Variants in TFB1M observed in about 807,000 individuals in gnomAD.
TFB1M encodes the protein transcription factor B1, mitochondrial, also known as dimethyladenosine transferase 1, mitochondrial.
In TFB1M, 27 loss-of-function variants were observed where a neutral mutation model predicts 31.1. The ratio of observed to expected loss-of-function variants is 0.87; its 90% CI spans 0.64 to 1.20. The LOEUF is 1.20. Ranked by LOEUF, TFB1M falls within the 50% of genes most tolerant of loss-of-function variation. TFB1M has a pLI of 0.00. For missense variants in TFB1M, 394 were observed against 418.7 expected, an observed-to-expected ratio of 0.94 and a Z score of 0.51; for synonymous variants, 166 against 151.8, an observed-to-expected ratio of 1.09 and a Z score of -0.69.
At chr6:155,244,558 T>C in the TFB1M span, 1 of 1,410,902 alleles carries the variant, frequency 7.1e-7, no homozygotes, top group Non-Finnish European at 9.7e-7. Context: ...TGCTTTTCCG[T>C]GAAGAATTTC....
chr6:155,240,412 C>A, the TFB1M span: 2 of 1,107,896 alleles, frequency 1.8e-6, no homozygotes, highest in Non-Finnish European at 2.5e-6. Flanking sequence ...TTGCCCTACA[C>A]AGAGGCCCCT....
At chr6:155,237,644 C>T in the TFB1M span, among the ~76,000 whole-genome samples, 1 of 152,222 alleles carries the variant, frequency 6.6e-6, no homozygotes, top group Non-Finnish European at 1.5e-5. Flanking sequence ...AATTCTTGGA[C>T]TTATGTGCAC....
At chr6:155,231,612 C>T in the TFB1M span, among the ~76,000 whole-genome samples, 11 of 151,660 alleles carry the variant, frequency 7.3e-5, no homozygotes, top group African/African-American at 2.7e-4. Context: ...TGCCCTCTAT[C>T]AGCCTGTGGG....
chr6:155,257,743 A>G lies in TFB1M; in HGVS notation c.*93T>C. The stretch of plus-strand genomic sequence containing the variant: ...GTCACATCTGGTCATTGGCATTTGT[A>G]TCGTCATTCTGTAAAGACAAAAGAG... On this transcript the variant is annotated 3_prime_UTR_variant, in exon 7 of 7. Coordinates refer to ENST00000367166, the MANE Select transcript of TFB1M (RefSeq NM_016020.4). The G allele has an allele frequency of 1.3e-6, 2 of 1,483,832 alleles. No homozygotes were observed. Among genetic ancestry groups the G allele is most frequent in the South Asian group, 1.2e-5 (1 of 83,380 alleles). 91.9% of individuals were successfully genotyped at this position (1,483,832 alleles called of 1,614,324 possible).
downstream of TFB1M, chr6:155,254,393 G>C: frequency 6.2e-7 from 1 of 1,607,146 alleles, no homozygotes; most frequent in South Asian, 1.1e-5. Flanking sequence ...GGACACTTCT[G>C]CTGTTTTCTC....
chr6:155,314,236 C>T lies in TFB1M; in HGVS notation c.133+60G>A, dbSNP rs1371104534. On this transcript the variant is annotated intron_variant, in intron 1 of 6. Coordinates refer to ENST00000367166, the MANE Select transcript of TFB1M (RefSeq NM_016020.4). Reference sequence around the variant, plus strand: ...CGCCCGCGGGGACGTGCAAGACCCCCCGGCCCACGCCCCCACGGACACTGG... The same window carrying T: ...CGCCCGCGGGGACGTGCAAGACCCCTCGGCCCACGCCCCCACGGACACTGG... 5 of 1,599,164 alleles carry T rather than the reference C, an allele frequency of 3.1e-6. No homozygotes were observed. The African/African-American group carries it at 4.0e-5, about 13-fold the overall frequency.
At position 155,260,371 on chromosome 6, in the gene TFB1M, G is replaced by A. The variant is rs939950445; in HGVS notation, c.696C>T (p.Pro232=). Residue 232 remains proline (P), a synonymous_variant, in exon 6 of 7, where the codon CCC becomes CCT. Transcript: ENST00000367166. ...EVDVGVVHFT[P]LIQPKIEQPF... ...GCTGCTCTATCTTGGGCTGTATCAAGGGAGTGAAGTGCACCACGCCCACGT... is the reference window on the plus strand; with the variant it reads ...GCTGCTCTATCTTGGGCTGTATCAAAGGAGTGAAGTGCACCACGCCCACGT... 1.2e-6 allele frequency: 2 copies of A among 1,614,218 alleles called. No individual in the cohort carries two copies. Among genetic ancestry groups the A allele is most frequent in the Non-Finnish European group, 8.5e-7 (1 of 1,180,048 alleles).
At chr6:155,267,008 C>T (rs1784680231) in intron 5 of TFB1M, among the ~76,000 whole-genome samples, 1 of 143,210 alleles carries the variant, frequency 7.0e-6, no homozygotes, top group Non-Finnish European at 1.5e-5. Context: ...CTCACTCTAT[C>T]GCCCAGGCTG....
intron 1 of TFB1M, chr6:155,314,056 A>G (rs1428341314): frequency 3.7e-5 from 51 of 1,394,184 alleles, no homozygotes; most frequent in Non-Finnish European, 4.7e-5. Flanking sequence ...CTTGGCATTT[A>G]TGCAGCCTGC....
At chr6:155,245,491 G>A in the TFB1M span, 4 of 715,980 alleles carry the variant, frequency 5.6e-6, no homozygotes, top group Non-Finnish European at 7.1e-6. Flanking sequence ...CTGTGTGGAT[G>A]GAGCAGGTTT....
At chr6:155,243,291 A>T in the TFB1M span, among the ~76,000 whole-genome samples, 1 of 152,124 alleles carries the variant, frequency 6.6e-6, no homozygotes, top group African/African-American at 2.4e-5. Context: ...TCCATGCTGG[A>T]CCTCTCACTG....
At chr6:155,260,464 A>C (rs1194992461) in intron 5 of TFB1M, 64 bp from the exon 6 acceptor site, 1 of 1,607,842 alleles carries the variant, frequency 6.2e-7, no homozygotes, top group African/African-American at 1.3e-5. Context: ...TGATCAATCA[A>C]CTCATCCTTG....
At chr6:155,304,239 G>A (rs764560123) in intron 2 of TFB1M, among the ~76,000 whole-genome samples, 4 of 151,958 alleles carry the variant, frequency 2.6e-5, no homozygotes, top group Non-Finnish European at 4.4e-5. Flanking sequence ...CCGAGATCAC[G>A]CCACTGCACT....
chr6:155,264,390 T>C (rs549902848), intron 5 of TFB1M: 16 of 152,290 alleles, frequency 1.1e-4, no homozygotes, highest in African/African-American at 3.6e-4. Context: ...TGAATGTAGA[T>C]CACATTTTCT....
At chr6:155,303,184 A>G (rs928459040) in intron 2 of TFB1M, 7 of 152,354 alleles carry the variant, frequency 4.6e-5, no homozygotes, top group African/African-American at 1.7e-4. Context: ...AGGTATGCCA[A>G]CGACACAACC....
chr6:155,270,753 C>T (rs1784880199), intron 5 of TFB1M, among the ~76,000 whole-genome samples: 1 of 152,222 alleles, frequency 6.6e-6, no homozygotes, highest in African/African-American at 2.4e-5. Flanking sequence ...TCTGCACTAA[C>T]AACCATGGCG....
chr6:155,279,044 A>C (rs1011966832), intron 5 of TFB1M, among the ~76,000 whole-genome samples: 14 of 152,214 alleles, frequency 9.2e-5, no homozygotes, highest in Non-Finnish European at 1.9e-4. Context: ...GGATGCCTTT[A>C]TGTATCTTAC....
chr6:155,293,991 C>T lies in TFB1M; in HGVS notation c.546+2962G>A, dbSNP rs555069899. 2.7e-3 allele frequency among the ~76,000 whole-genome samples: 412 copies of T among 152,164 alleles called. 2 individuals are homozygous for T. The highest frequency in any genetic ancestry group is 6.2e-3 in the Admixed American group (95 of 15,280). On this transcript the variant is annotated intron_variant, in intron 4 of 6. Coordinates refer to ENST00000367166, the MANE Select transcript of TFB1M (RefSeq NM_016020.4). ...TCCTTTCTCTCTGTCCTGTAGGGAG[C>T]CCTCTGCTTCCTGGATTTCATGTCA...
intron 5 of TFB1M, among the ~76,000 whole-genome samples, chr6:155,272,585 A>C (rs1485834657): frequency 1.3e-5 from 2 of 152,040 alleles, no homozygotes; most frequent in Admixed American, 1.3e-4. Context: ...AAATTTTGAG[A>C]GAACAGGCCA....
Sources: allele counts gnomAD v4.1 joint callset (sites outside exome capture counted in the v4.1 genomes callset), GRCh38; gene constraint gnomAD v4.1.1; transcripts MANE v1.5; gene names NCBI Gene and HGNC (gene_info 2026-07-23, HGNC 2026-07-21).